NFE2L2: variants seen among roughly 807,000 people sequenced by gnomAD.
NFE2L2 encodes NFE2 like bZIP transcription factor 2.
In NFE2L2, 20 loss-of-function variants were observed where a neutral mutation model predicts 49.6. The observed-to-expected ratio is 0.40, with a 90% CI of 0.28 to 0.59. NFE2L2 has a LOEUF of 0.59. Among genes scored for constraint, NFE2L2 ranks in the 20% least tolerant of loss-of-function variants. NFE2L2 has a pLI of 0.40. For missense variants in NFE2L2, 578 were observed against 714.2 expected (o/e 0.81, Z 2.17); for synonymous variants, 244 against 256.5 (o/e 0.95, Z 0.47).
intron 1 of NFE2L2, among the ~76,000 whole-genome samples, chr2:177,255,771 G>A (rs556635517): frequency 6.6e-6 from 1 of 152,026 alleles, no homozygotes; most frequent in Non-Finnish European, 1.5e-5. Flanking sequence ...ATGTTGCCCA[G>A]GCTCATCTCA....
At chr2:177,259,880 G>A (rs920958561) in intron 1 of NFE2L2, among the ~76,000 whole-genome samples, 7 of 151,818 alleles carry the variant, frequency 4.6e-5, no homozygotes, top group South Asian at 2.1e-4. Context: ...TGCAGTGAGC[G>A]GAGATCATGC....
chr2:177,259,675 G>A (rs1690657611), intron 1 of NFE2L2, among the ~76,000 whole-genome samples: 1 of 152,150 alleles, frequency 6.6e-6, no homozygotes, highest in South Asian at 2.1e-4. Context: ...GCTTAAGCTT[G>A]TAATCCCAGC....
chr2:177,257,471 G>A (rs1455335975), intron 1 of NFE2L2, among the ~76,000 whole-genome samples: 2 of 152,200 alleles, frequency 1.3e-5, no homozygotes, highest in Non-Finnish European at 2.9e-5. Flanking sequence ...CACTCGCCAG[G>A]CACTTTGAAA....
At chr2:177,255,978 AGG>A (rs1472148971) in intron 1 of NFE2L2, 1 of 154,660 alleles carries the variant, frequency 6.5e-6, no homozygotes, top group Admixed American at 6.5e-5. Context: ...TCATTTTTTA[AGG>A]AAAATGAGAG....
rs1240037341 is a variant in NFE2L2 at position 177,264,541 on chromosome 2, C to T, written c.36G>A (p.Pro12=). 4.6e-6 allele frequency: 7 copies of T among 1,522,384 alleles called. No individual in the cohort carries two copies. Among genetic ancestry groups the T allele is most frequent in the South Asian group, 2.5e-5 (2 of 81,404 alleles). The allele number at this position is 1,522,384 out of a possible 1,614,324, so 94.3% of individuals were successfully genotyped here. Residue 12 remains proline, a synonymous_variant, in exon 1 of 5, where the codon CCG becomes CCA. Transcript: ENST00000397062. ...AGGGCCGAGGCAGCACCTGCTGGGACGGGAGTCCCGGCGGCGGCAGCTCCA... is the reference window on the plus strand; with the variant it reads ...AGGGCCGAGGCAGCACCTGCTGGGATGGGAGTCCCGGCGGCGGCAGCTCCA... ...MDLELPPPGL[P]SQQDMDLIDI... is the part of the protein sequence containing the mutation.
At chr2:177,256,806 C>T (rs1285152728) in intron 1 of NFE2L2, among the ~76,000 whole-genome samples, 1 of 152,218 alleles carries the variant, frequency 6.6e-6, no homozygotes, top group Non-Finnish European at 1.5e-5. Context: ...CGAGCTCTGC[C>T]TGGCAACCTT....
At chr2:177,260,887 A>G (rs1489389917) in intron 1 of NFE2L2, among the ~76,000 whole-genome samples, 1 of 152,142 alleles carries the variant, frequency 6.6e-6, no homozygotes, top group Non-Finnish European at 1.5e-5. Flanking sequence ...ATATTAAGAA[A>G]CAGACTGGCG....
At chr2:177,246,198 C>A (rs759715082) in intron 1 of NFE2L2, among the ~76,000 whole-genome samples, 1 of 152,182 alleles carries the variant, frequency 6.6e-6, no homozygotes, top group South Asian at 2.1e-4. Context: ...ATCAGGCCAA[C>A]GTAACTTGCC....
intron 2 of NFE2L2, 37 bp from the exon 3 acceptor site, chr2:177,233,376 G>T: frequency 6.7e-7 from 1 of 1,491,780 alleles, no homozygotes; most frequent in South Asian, 1.2e-5. Flanking sequence ...AAACAAAAAT[G>T]GTTAAATATT....
intron 1 of NFE2L2, among the ~76,000 whole-genome samples, chr2:177,245,976 T>C (rs1428807809): frequency 6.6e-6 from 1 of 152,178 alleles, no homozygotes; most frequent in Non-Finnish European, 1.5e-5. Flanking sequence ...CCAAATCACA[T>C]ATTCACCAAG....
At chr2:177,255,709 A>G (rs1480253355) in intron 1 of NFE2L2, among the ~76,000 whole-genome samples, 1 of 152,020 alleles carries the variant, frequency 6.6e-6, no homozygotes, top group African/African-American at 2.4e-5. Context: ...GCAGGTGTGC[A>G]CCACTGGATC....
At chr2:177,235,797 A>T (rs940644937) in intron 1 of NFE2L2, among the ~76,000 whole-genome samples, 6 of 152,208 alleles carry the variant, frequency 3.9e-5, no homozygotes, top group African/African-American at 1.4e-4. Flanking sequence ...ACTGCACTCC[A>T]GCTTGGGTGA....
chr2:177,251,288 A>T (rs979345250), intron 1 of NFE2L2, among the ~76,000 whole-genome samples: 2 of 152,218 alleles, frequency 1.3e-5, no homozygotes, highest in African/African-American at 4.8e-5. Flanking sequence ...AAAGCCACCC[A>T]GGCCAGCTCA....
intron 1 of NFE2L2, among the ~76,000 whole-genome samples, chr2:177,259,708 G>A (rs947325381): frequency 9.2e-5 from 14 of 152,108 alleles, no homozygotes; most frequent in African/African-American, 2.9e-4. Context: ...TGAGGCAGGC[G>A]GATCATGAGG....
chr2:177,263,622 C>A, intron 1 of NFE2L2: 1 of 985,438 alleles, frequency 1.0e-6, no homozygotes, highest in Non-Finnish European at 1.2e-6. Context: ...AGCGCTGTCA[C>A]GGAAGCCAAG....
At chr2:177,259,736 T>C (rs1345008816) in intron 1 of NFE2L2, among the ~76,000 whole-genome samples, 1 of 152,042 alleles carries the variant, frequency 6.6e-6, no homozygotes, top group African/African-American at 2.4e-5. Flanking sequence ...ATCGAGATCA[T>C]CCTGGCTAAC....
rs1332835206 is a variant in NFE2L2, at chr2:177,231,627, T to G, written c.976A>C (p.Lys326Gln). 1 of 1,614,078 alleles carries G rather than the reference T, an allele frequency of 6.2e-7. No individual in the cohort carries two copies. Among genetic ancestry groups the G allele is most frequent in the Non-Finnish European group, 8.5e-7 (1 of 1,180,038 alleles). The change falls in exon 5 of 5, where the codon AAA becomes CAA. Residue 326 changes from lysine to glutamine, a missense_variant. By Grantham distance (53) the Lys-to-Gln change is moderately conservative. Transcript: ENST00000397062. ...PIDVSDLSLC[K>Q]AFNQNHPEST... The stretch of plus-strand genomic sequence containing the variant: ...TCAGGGTGGTTTTGGTTGAAAGCTT[T>G]GCAAAGTGATAGATCAGAAACATCA...
chr2:177,232,657 A>T, intron 3 of NFE2L2, 74 bp from the exon 4 acceptor site: 1 of 1,435,928 alleles, frequency 7.0e-7, no homozygotes, highest in South Asian at 1.3e-5. Flanking sequence ...CACCACTACA[A>T]AACAAAATGG....
At chr2:177,239,015 C>A (rs1266036784) in intron 1 of NFE2L2, among the ~76,000 whole-genome samples, 2 of 152,138 alleles carry the variant, frequency 1.3e-5, no homozygotes, top group African/African-American at 4.8e-5. Flanking sequence ...CATTCAATTG[C>A]CACTCAATTC....
Sources: gnomAD v4.1 joint callset for allele counts (sites outside exome capture counted in the v4.1 genomes callset) on GRCh38, gnomAD v4.1.1 for gene constraint, MANE v1.5 for transcripts, NCBI Gene and HGNC (gene_info 2026-07-23, HGNC 2026-07-21) for gene names.